TP73: variants seen among roughly 807,000 people sequenced by gnomAD.
TP73 encodes the protein p53-like transcription factor.
In TP73, 25 loss-of-function variants were observed where a neutral mutation model predicts 62.5. The ratio of observed to expected loss-of-function variants is 0.40; its 90% CI spans 0.29 to 0.56. The LOEUF is 0.56. Ranked by LOEUF, TP73 falls within the 20% of genes least tolerant of loss-of-function variation. The pLI, the probability that TP73 is intolerant of heterozygous loss-of-function variation, is 0.46. For synonymous variants in TP73, 423 were observed against 377.5 expected (o/e 1.12, Z -1.40); for missense variants, 754 against 913.3 (o/e 0.83, Z 2.25).
chr1:3,689,512 G>T (rs1286764838), intron 3 of TP73, among the ~76,000 whole-genome samples: 1 of 152,104 alleles, frequency 6.6e-6, no homozygotes, highest in Non-Finnish European at 1.5e-5. Flanking sequence ...TGCTGGTGGG[G>T]CAGGGCGGGT....
chr1:3,656,803 C>T (rs1644875763), intron 1 of TP73, among the ~76,000 whole-genome samples: 1 of 152,200 alleles, frequency 6.6e-6, no homozygotes, highest in Non-Finnish European at 1.5e-5. Context: ...TGCTGTGAGC[C>T]TGGATGGGGA....
In TP73 at chr1:3,729,989, C is replaced by T. The variant is rs200867239; in HGVS notation, c.1197-11C>T. On this transcript the variant is annotated splice_polypyrimidine_tract_variant and intron_variant, in intron 10 of 13. Coordinates refer to ENST00000378295, the MANE Select transcript of TP73 (RefSeq NM_005427.4). ...TGCTTCCCACCCATGCGAGCCGTTG[C>T]TTCTGAGCAGGAGTCACCTACAGCC... is the stretch of plus-strand genomic sequence containing the variant. 6.9e-5 allele frequency: 109 copies of T among 1,578,148 alleles called. No homozygotes were observed. In the African/African-American group the frequency reaches 1.2e-3, roughly 18 times the overall value.
chr1:3,669,229 G>A (rs916051827), intron 1 of TP73, among the ~76,000 whole-genome samples: 4 of 152,212 alleles, frequency 2.6e-5, no homozygotes, highest in Admixed American at 6.5e-5. Context: ...CCTTGCCACC[G>A]TGGGTGCAGT....
chr1:3,691,167 G>T (rs1444890341), intron 3 of TP73, among the ~76,000 whole-genome samples: 1 of 152,118 alleles, frequency 6.6e-6, no homozygotes, highest in South Asian at 2.1e-4. Context: ...CCCACCTGCT[G>T]GGCAGGGACC....
chr1:3,661,048 T>C (rs766247469), intron 1 of TP73, among the ~76,000 whole-genome samples: 1 of 152,272 alleles, frequency 6.6e-6, no homozygotes, highest in Non-Finnish European at 1.5e-5. Flanking sequence ...CATCACTTCA[T>C]ATTTTACAGT....
rs376306700 is a variant in TP73, at chr1:3,694,751, G to C, written c.186+11571G>C. ...CTCAGCCCCTCCTCCCGCAATCCCA[G>C]CCATGCAGCCTCAGCCCCTCCTCCT... On this transcript the variant is annotated intron_variant, in intron 3 of 13. Transcript: ENST00000378295. Among the ~76,000 whole-genome samples, 202 of 28,956 alleles carry C rather than the reference G, an allele frequency of 7.0e-3. 3 individuals carry two copies. The highest frequency in any genetic ancestry group is 0.016 in the East Asian group (16 of 1,022). The allele number at this position is 28,956 out of a possible 152,430, so 19.0% of individuals were successfully genotyped here.
chr1:3,687,566 A>G (rs1645693419), intron 3 of TP73, among the ~76,000 whole-genome samples: 1 of 145,360 alleles, frequency 6.9e-6, no homozygotes, highest in Non-Finnish European at 1.5e-5. Flanking sequence ...AAACCAGCGC[A>G]GGGCAATGAG....
chr1:3,729,737 C>T, intron 10 of TP73: 2 of 744,652 alleles, frequency 2.7e-6, no homozygotes, highest in Non-Finnish European at 2.3e-6. Flanking sequence ...GTGACCATGA[C>T]CCACCAAGAC....
intron 11 of TP73, among the ~76,000 whole-genome samples, 187 bp from the exon 12 acceptor site, chr1:3,730,740 C>A (rs546133622): frequency 3.3e-5 from 5 of 152,308 alleles, no homozygotes; most frequent in Non-Finnish European, 7.4e-5. Context: ...CTAGGCGGGG[C>A]GAGGAGACAG....
intron 9 of TP73, 52 bp from the exon 10 acceptor site, chr1:3,729,275 C>G (rs1409759413): frequency 1.2e-6 from 2 of 1,609,474 alleles, no homozygotes; most frequent in African/African-American, 1.3e-5. Flanking sequence ...GGCCACCCCC[C>G]TCCCGTGGGG....
intron 4 of TP73, among the ~76,000 whole-genome samples, chr1:3,717,950 G>T (rs770762926): frequency 8.5e-5 from 13 of 152,194 alleles, no homozygotes; most frequent in Non-Finnish European, 1.5e-4. Flanking sequence ...GGACACCTGT[G>T]GGGAGGAGAG....
intron 3 of TP73, among the ~76,000 whole-genome samples, chr1:3,685,315 G>C (rs1037512680): frequency 6.6e-6 from 1 of 152,190 alleles, no homozygotes; most frequent in Non-Finnish European, 1.5e-5. Context: ...GCCCCCGCCT[G>C]CTGGAACGTG....
chr1:3,707,918 C>G lies in TP73; in HGVS notation c.429+127C>G, dbSNP rs529357407. ...GTCTGCTCGGGGTTCCCACCTGGCCCGGGCCAGGAGGAGCATCGGGCAGGA... is the reference window on the plus strand; with the variant it reads ...GTCTGCTCGGGGTTCCCACCTGGCCGGGGCCAGGAGGAGCATCGGGCAGGA... On this transcript the variant is annotated intron_variant, in intron 4 of 13. Transcript: ENST00000378295. 4.9e-6 allele frequency: 7 copies of G among 1,434,642 alleles called. No individual in the cohort carries two copies. The South Asian group carries it at 8.3e-5, about 17-fold the overall frequency. The allele number at this position is 1,434,642 out of a possible 1,614,324, so 88.9% of individuals were successfully genotyped here. A position where few individuals can be genotyped will look rare whatever the true frequency, so the allele number is the denominator to read the frequency against.
intron 1 of TP73, among the ~76,000 whole-genome samples, chr1:3,681,773 G>T (rs10910009): frequency 0.18 from 27,641 of 152,038 alleles, 2,755 homozygotes; most frequent in Admixed American, 0.27. Flanking sequence ...GACCGGGACC[G>T]GAGCCACCTC....
chr1:3,730,166 T>G lies in TP73; in HGVS notation c.1345+18T>G. ...GCCCGTGGGTGAGTCCCTTGGGCAG[T>G]GCGGGCCCACGGGCAGGGCGGGGAG... On this transcript the variant is annotated intron_variant, in intron 11 of 13. Transcript: ENST00000378295. The G allele has an allele frequency of 6.6e-7, 1 of 1,517,932 alleles. No individual in the cohort carries two copies. The highest frequency in any genetic ancestry group is 8.9e-7 in the Non-Finnish European group (1 of 1,124,522). 94.0% of individuals were successfully genotyped at this position (1,517,932 alleles called of 1,614,324 possible). A position where few individuals can be genotyped will look rare whatever the true frequency, so the allele number is the denominator to read the frequency against.
chr1:3,716,584 T>A (rs1640613762), intron 4 of TP73, among the ~76,000 whole-genome samples: 1 of 152,164 alleles, frequency 6.6e-6, no homozygotes, highest in Non-Finnish European at 1.5e-5. Flanking sequence ...CTCCCTGACA[T>A]CTGTCAGAGC....
chr1:3,694,794 G>C (rs113030495), intron 3 of TP73, among the ~76,000 whole-genome samples: 1,198 of 78,852 alleles, frequency 0.015, 161 homozygotes, highest in Middle Eastern at 0.032. Flanking sequence ...CAGCCATGCA[G>C]CCTCAGACCC....
At chr1:3,671,391 C>T (rs1056430921) in intron 1 of TP73, among the ~76,000 whole-genome samples, 39 of 152,352 alleles carry the variant, frequency 2.6e-4, no homozygotes, top group Middle Eastern at 6.8e-3. Flanking sequence ...GCCCCTTGGC[C>T]GAGCTCCACC....
At position 3,712,829 on chromosome 1, in the gene TP73, C is replaced by T. The variant is rs373211971; in HGVS notation, c.429+5038C>T. ...GTCACCTGTCAGCAGAGGGCAGAGC[C>T]GGACCTGGCCCCAGCAGCCAGACCC... On this transcript the variant is annotated intron_variant, in intron 4 of 13. Coordinates refer to ENST00000378295, the MANE Select transcript of TP73 (RefSeq NM_005427.4). Among the ~76,000 whole-genome samples the T allele has an allele frequency of 7.7e-4, 117 of 152,250 alleles. 5 individuals are homozygous for T. In the South Asian group the frequency reaches 0.019, roughly 24 times the overall value.
Sources: gnomAD v4.1 joint callset for allele counts (sites outside exome capture counted in the v4.1 genomes callset) on GRCh38, gnomAD v4.1.1 for gene constraint, MANE v1.5 for transcripts, NCBI Gene and HGNC (gene_info 2026-07-23, HGNC 2026-07-21) for gene names.